Variants in ARID1B observed in about 807,000 individuals in gnomAD.
The protein encoded by ARID1B is AT-rich interaction domain 1B, also known as AT-rich interactive domain-containing protein 1B.
ARID1B carries 30 observed loss-of-function variants against 212.3 expected under a neutral mutation model. That is an observed-to-expected ratio of 0.14 (90% confidence interval 0.11 to 0.19). ARID1B has a LOEUF of 0.19. Among genes scored for constraint, ARID1B ranks in the 10% least tolerant of loss-of-function variants. The pLI, the probability that ARID1B is intolerant of heterozygous loss-of-function variation, is 1.00. For synonymous variants in ARID1B, 1,402 were observed against 1,301.7 expected (o/e 1.08, Z -1.66); for missense variants, 2,891 against 3,204.0 (o/e 0.90, Z 2.36).
intron 5 of ARID1B, among the ~76,000 whole-genome samples, chr6:157,107,202 A>G (rs1035997495): frequency 6.6e-6 from 1 of 152,224 alleles, no homozygotes; most frequent in Non-Finnish European, 1.5e-5. Flanking sequence ...AGGTCACAAA[A>G]TAGAAGGAAA....
At chr6:156,938,003 A>T (rs1792390196) in intron 4 of ARID1B, 1 of 152,168 alleles carries the variant, frequency 6.6e-6, no homozygotes, top group South Asian at 2.1e-4. Context: ...TATGTTAAGT[A>T]TGTAGAAGAT....
intron 4 of ARID1B, among the ~76,000 whole-genome samples, chr6:156,944,329 G>C (rs1045691978): frequency 6.6e-6 from 1 of 152,092 alleles, no homozygotes; most frequent in Non-Finnish European, 1.5e-5. Flanking sequence ...GGGATTTGGG[G>C]TTGCCTTACT....
chr6:157,003,125 G>A (rs1049250475), intron 4 of ARID1B, among the ~76,000 whole-genome samples: 1 of 152,212 alleles, frequency 6.6e-6, no homozygotes, highest in Non-Finnish European at 1.5e-5. Context: ...GAGGAGGTTA[G>A]CCTTGATCCT....
intron 1 of ARID1B, among the ~76,000 whole-genome samples, chr6:156,798,127 G>C (rs554607567): frequency 6.6e-6 from 1 of 152,202 alleles, no homozygotes; most frequent in Non-Finnish European, 1.5e-5. Context: ...GAAGAGGAGC[G>C]GGGTGTTTGA....
At chr6:156,928,672 A>G (rs1467049209) in intron 3 of ARID1B, among the ~76,000 whole-genome samples, 2 of 152,202 alleles carry the variant, frequency 1.3e-5, no homozygotes, top group African/African-American at 4.8e-5. Flanking sequence ...AAGAGCCGGT[A>G]GAGGATCCTT....
chr6:156,858,936 CAGTG>C (rs1347206374), intron 2 of ARID1B, among the ~76,000 whole-genome samples: 11 of 152,058 alleles, frequency 7.2e-5, no homozygotes, highest in African/African-American at 2.7e-4. Flanking sequence ...CTGAGCGAGT[CAGTG>C]AGTGAGTAGA....
chr6:157,110,327 T>C (rs1425032599), intron 5 of ARID1B, 145 bp from the exon 6 acceptor site: 3 of 664,188 alleles, frequency 4.5e-6, no homozygotes, highest in East Asian at 5.5e-5. Context: ...AGATGAACTA[T>C]TACACTCTGA....
At chr6:156,901,335 C>T in intron 2 of ARID1B, 41 bp from the exon 3 acceptor site, 1 of 1,612,848 alleles carries the variant, frequency 6.2e-7, no homozygotes, top group East Asian at 2.2e-5. Flanking sequence ...TTTAATTGCA[C>T]ATTTTGACTT....
At chr6:157,004,256 G>A (rs1433406175) in intron 4 of ARID1B, among the ~76,000 whole-genome samples, 1 of 152,082 alleles carries the variant, frequency 6.6e-6, no homozygotes, top group African/African-American at 2.4e-5. Context: ...ATGCTACGAT[G>A]TTTTCCATGG....
At chr6:156,880,308 G>GT (rs1786939763) in intron 2 of ARID1B, among the ~76,000 whole-genome samples, 1 of 152,204 alleles carries the variant, frequency 6.6e-6, no homozygotes, top group South Asian at 2.1e-4. Flanking sequence ...TCATGATTGT[G>GT]TTAGAGGCAA....
At chr6:156,923,050 A>C (rs1790937675) in intron 3 of ARID1B, among the ~76,000 whole-genome samples, 1 of 152,198 alleles carries the variant, frequency 6.6e-6, no homozygotes, top group Non-Finnish European at 1.5e-5. Flanking sequence ...TGTCATTGAA[A>C]AGCTGATGAT....
intron 4 of ARID1B, among the ~76,000 whole-genome samples, chr6:157,004,764 T>C (rs1193848217): frequency 6.6e-6 from 1 of 152,192 alleles, no homozygotes; most frequent in Non-Finnish European, 1.5e-5. Context: ...GTACACACTT[T>C]GTACCATATT....
intron 4 of ARID1B, chr6:156,937,942 A>G (rs545723734): frequency 6.7e-6 from 1 of 149,102 alleles, no homozygotes; most frequent in South Asian, 2.1e-4. Context: ...TTGACTCAAT[A>G]GTACTTCAAA....
chr6:157,060,149 A>T (rs1436096196), intron 4 of ARID1B, among the ~76,000 whole-genome samples: 2 of 152,242 alleles, frequency 1.3e-5, no homozygotes, highest in Non-Finnish European at 2.9e-5. Flanking sequence ...AGATACCAGT[A>T]CTAAAGAGAC....
chr6:157,034,189 T>G (rs547040871), intron 4 of ARID1B, among the ~76,000 whole-genome samples: 1 of 152,382 alleles, frequency 6.6e-6, no homozygotes, highest in African/African-American at 2.4e-5. Context: ...AATGGATACT[T>G]AAATACATTT....
chr6:157,076,102 A>C (rs1209757521), intron 4 of ARID1B, among the ~76,000 whole-genome samples: 2 of 152,228 alleles, frequency 1.3e-5, no homozygotes, highest in African/African-American at 4.8e-5. Flanking sequence ...AGGAACTCTC[A>C]GTCTGAAGTC....
At position 156,958,134 on chromosome 6, in the gene ARID1B, G is replaced by T. The variant is rs902676228; in HGVS notation, c.2247+22558G>T. Among the ~76,000 whole-genome samples, 4 of 152,194 alleles carry T rather than the reference G, an allele frequency of 2.6e-5. No homozygotes were observed. The South Asian group carries it at 8.3e-4, about 32-fold the overall frequency. ...TGTCCACATCCATCCCACTGCACAC[G>T]GCAGTCTACCATTTGTAGTCCAATC... On this transcript the variant is annotated intron_variant, in intron 4 of 19. Coordinates refer to ENST00000636930, the MANE Select transcript of ARID1B (RefSeq NM_001374828.1).
intron 1 of ARID1B, among the ~76,000 whole-genome samples, chr6:156,825,630 A>G (rs1376825303): frequency 6.6e-6 from 1 of 152,238 alleles, no homozygotes; most frequent in African/African-American, 2.4e-5. Flanking sequence ...TTTCTGCTTT[A>G]ATTAAGGCAG....
At chr6:157,013,830 T>A (rs1459424881) in intron 4 of ARID1B, among the ~76,000 whole-genome samples, 2 of 152,288 alleles carry the variant, frequency 1.3e-5, no homozygotes, top group Middle Eastern at 3.4e-3. Flanking sequence ...AAGAATCAAT[T>A]AAAGGAGTCA....
Sources: allele counts gnomAD v4.1 joint callset (sites outside exome capture counted in the v4.1 genomes callset), GRCh38; gene constraint gnomAD v4.1.1; transcripts MANE v1.5; gene names NCBI Gene and HGNC (gene_info 2026-07-23, HGNC 2026-07-21).